The following CTNNA2 variants were observed in gnomAD, a reference collection of about 807,000 sequenced individuals.
The protein encoded by CTNNA2 is catenin alpha 2, also known as catenin alpha-2.
CTNNA2 carries 42 observed loss-of-function variants against 101.0 expected under a neutral mutation model. The observed-to-expected ratio is 0.42, with a 90% CI of 0.32 to 0.54. CTNNA2 has a LOEUF of 0.54. Among genes scored for constraint, CTNNA2 ranks in the 20% least tolerant of loss-of-function variants. The pLI is 0.14. For missense variants in CTNNA2, 871 were observed against 1,223.1 expected (o/e 0.71, Z 4.29); for synonymous variants, 450 against 456.4 (o/e 0.99, Z 0.18).
At chr2:79,711,294 C>G (rs1222075316) in intron 2 of CTNNA2, among the ~76,000 whole-genome samples, 1 of 152,124 alleles carries the variant, frequency 6.6e-6, no homozygotes, top group Non-Finnish European at 1.5e-5. Context: ...GCATTTTGCT[C>G]AATGGTGTTG....
intron 15 of CTNNA2, among the ~76,000 whole-genome samples, chr2:80,597,233 G>A (rs1558628807): frequency 6.6e-6 from 1 of 152,088 alleles, no homozygotes; most frequent in African/African-American, 2.4e-5. Flanking sequence ...TAATAAATGG[G>A]TACTGGGAAA....
intron 9 of CTNNA2, among the ~76,000 whole-genome samples, chr2:80,443,401 G>A (rs1353863517): frequency 6.6e-6 from 1 of 152,160 alleles, no homozygotes; most frequent in Non-Finnish European, 1.5e-5. Flanking sequence ...TATTTATTGA[G>A]CACTGTCTAT....
chr2:80,345,269 C>T (rs1482245267), intron 7 of CTNNA2, among the ~76,000 whole-genome samples: 2 of 152,228 alleles, frequency 1.3e-5, no homozygotes, highest in Non-Finnish European at 1.5e-5. Flanking sequence ...TCCTGGCACA[C>T]TAGCCCCATT....
chr2:79,705,451 G>T (rs530198085), intron 2 of CTNNA2, among the ~76,000 whole-genome samples: 1 of 150,364 alleles, frequency 6.7e-6, no homozygotes, highest in South Asian at 2.1e-4. Context: ...TGTATGTATA[G>T]GAAAAAAAAC....
intron 8 of CTNNA2, among the ~76,000 whole-genome samples, chr2:80,406,227 C>T (rs748826109): frequency 2.0e-5 from 3 of 151,962 alleles, no homozygotes; most frequent in African/African-American, 4.8e-5. Context: ...TGGTGGCTTG[C>T]GCCTGTGTTC....
At chr2:79,824,944 A>C (rs552406288) in intron 3 of CTNNA2, among the ~76,000 whole-genome samples, 20 of 152,302 alleles carry the variant, frequency 1.3e-4, no homozygotes, top group African/African-American at 4.1e-4. Flanking sequence ...TAATCCCAGC[A>C]CTTAGGGAAG....
At position 79,476,765 on chromosome 2, in the gene CTNNA2, C is replaced by A. The variant is rs548223531; in HGVS notation, c.-134-28289C>A. ...TAAGTTTTCTTTGTCTTACCTGTGA[C>A]AATTTTTGCTAGCCACTCGGTCTCT... On this transcript the variant is annotated intron_variant, in intron 4 of 21. Transcript: ENST00000466387. Among the ~76,000 whole-genome samples the A allele has an allele frequency of 1.3e-4, 20 of 152,290 alleles. No individual in the cohort carries two copies. In the South Asian group the frequency reaches 3.7e-3, roughly 28 times the overall value.
chr2:79,774,709 G>A (rs530816903), intron 3 of CTNNA2, among the ~76,000 whole-genome samples: 100 of 152,240 alleles, frequency 6.6e-4, no homozygotes, highest in African/African-American at 2.4e-3. Flanking sequence ...CCACAAAACA[G>A]GGTGGTAAGA....
chr2:79,322,284 G>C (rs1001384663), intron 3 of CTNNA2, among the ~76,000 whole-genome samples: 2 of 152,134 alleles, frequency 1.3e-5, no homozygotes, highest in African/African-American at 2.4e-5. Context: ...TAGACTGCGG[G>C]GGGCTGCCAC....
intron 4 of CTNNA2, among the ~76,000 whole-genome samples, chr2:79,416,298 T>C (rs1174668232): frequency 7.2e-6 from 1 of 138,510 alleles, no homozygotes; most frequent in African/African-American, 2.7e-5. Flanking sequence ...TAAAAAGCAA[T>C]GTCTCCAAGT....
At chr2:80,405,510 A>T (rs1374346130) in intron 8 of CTNNA2, among the ~76,000 whole-genome samples, 1 of 152,196 alleles carries the variant, frequency 6.6e-6, no homozygotes, top group Non-Finnish European at 1.5e-5. Flanking sequence ...TCTCTATAAT[A>T]ATTATAATAA....
At chr2:79,210,837 A>G (rs1674162288) in intron 2 of CTNNA2, among the ~76,000 whole-genome samples, 2 of 152,208 alleles carry the variant, frequency 1.3e-5, no homozygotes, top group South Asian at 4.1e-4. Context: ...CAATCCCCGT[A>G]TTCCCAAGAG....
At chr2:79,722,971 G>A (rs1686584324) in intron 2 of CTNNA2, among the ~76,000 whole-genome samples, 1 of 152,078 alleles carries the variant, frequency 6.6e-6, no homozygotes, top group Non-Finnish European at 1.5e-5. Flanking sequence ...TTATTTTGAA[G>A]GAGATTATAT....
At chr2:79,287,311 T>C (rs1002831707) in intron 2 of CTNNA2, among the ~76,000 whole-genome samples, 15 of 152,352 alleles carry the variant, frequency 9.8e-5, no homozygotes, top group Admixed American at 9.8e-4. Context: ...ACTGCGTTCC[T>C]TTGGAGGAGG....
chr2:80,587,762 C>G (rs62151965), intron 14 of CTNNA2, among the ~76,000 whole-genome samples: 1 of 152,030 alleles, frequency 6.6e-6, no homozygotes, highest in Admixed American at 6.6e-5. Flanking sequence ...CAAACTGTAC[C>G]CTCTTGGTCT....
rs1674386905 is a variant in CTNNA2 at position 79,555,488 on chromosome 2, CT to C, written c.-6+42282del. On this transcript the variant is annotated intron_variant, in intron 1 of 18. Coordinates refer to ENST00000402739, the MANE Select transcript of CTNNA2 (RefSeq NM_001282597.3). ...GAATTTAGAAGAGGCAGTCATGGAT[CT>C]CATTTAAGAAATTTCCTGTGTTTTA... Among the ~76,000 whole-genome samples the C allele has an allele frequency of 2.0e-5, 3 of 152,180 alleles. No individual in the cohort carries two copies. The South Asian group carries it at 6.2e-4, about 32-fold the overall frequency.
intron 2 of CTNNA2, among the ~76,000 whole-genome samples, chr2:79,202,332 TTTA>T (rs149494603): frequency 0.13 from 17,606 of 138,248 alleles, 1,010 homozygotes; most frequent in Middle Eastern, 0.21. Flanking sequence ...CACTTGTTTT[TTTA>T]TTTTTTTTAT....
rs58283934 is a variant in CTNNA2 at position 79,581,649 on chromosome 2, T to C, written c.-6+68442T>C. Among the ~76,000 whole-genome samples the C allele has an allele frequency of 7.6e-3, 1,151 of 152,328 alleles. 15 individuals are homozygous for C. Among genetic ancestry groups the C allele is most frequent in the African/African-American group, 0.026 (1,092 of 41,564 alleles). ...AAACATCTTAATATTCATAAGCCTG[T>C]TCACAACAGTATGCCTTTTCATTAT... On this transcript the variant is annotated intron_variant, in intron 1 of 18. Transcript: ENST00000402739.
chr2:80,439,760 C>T (rs1032791695), intron 9 of CTNNA2, among the ~76,000 whole-genome samples: 1 of 152,126 alleles, frequency 6.6e-6, no homozygotes, highest in Non-Finnish European at 1.5e-5. Flanking sequence ...TTTGAAAACA[C>T]TTTCCTCAAT....
Sources: allele counts gnomAD v4.1 joint callset (sites outside exome capture counted in the v4.1 genomes callset), GRCh38; gene constraint gnomAD v4.1.1; transcripts MANE v1.5; gene names NCBI Gene and HGNC (gene_info 2026-07-23, HGNC 2026-07-21).